Variants in MORC3 observed in about 807,000 individuals in gnomAD.
MORC3 encodes the protein MORC family CW-type zinc finger 3.
Under a neutral mutation model 109.1 loss-of-function variants are expected in MORC3, and 31 were observed. The ratio of observed to expected loss-of-function variants is 0.28; its 90% CI spans 0.21 to 0.38. The LOEUF is 0.38. Among genes scored for constraint, MORC3 ranks in the 10% least tolerant of loss-of-function variants. The pLI, the probability that MORC3 is intolerant of heterozygous loss-of-function variation, is 1.00. For synonymous variants in MORC3, 395 were observed against 380.7 expected (o/e 1.04, Z -0.44); for missense variants, 867 against 1,135.8 (o/e 0.76, Z 3.40).
At chr21:36,363,139 T>C (rs61408408) in intron 13 of MORC3, among the ~76,000 whole-genome samples, 2,259 of 152,258 alleles carry the variant, frequency 0.015, 56 homozygotes, top group African/African-American at 0.052. Context: ...TGAAAATGTT[T>C]TTAGCCGTGG....
rs2146314419 is a variant in MORC3 at position 36,349,210 on chromosome 21, G to GAT, written c.1006-99_1006-98dup. On this transcript the variant is annotated intron_variant, in intron 8 of 16. Transcript: ENST00000400485. The stretch of plus-strand genomic sequence containing the variant: ...AATAAATGTGATGAGAATCATACAA[G>GAT]ATAAAATATAGAAAAATATACAAAC... The GAT allele has an allele frequency of 5.2e-6, 4 of 768,594 alleles. No homozygotes were observed. In the South Asian group the frequency reaches 6.8e-5, roughly 13 times the overall value. 47.6% of individuals were successfully genotyped at this position (768,594 alleles called of 1,614,324 possible).
At chr21:36,363,046 C>G (rs73383713) in intron 13 of MORC3, among the ~76,000 whole-genome samples, 1 of 152,052 alleles carries the variant, frequency 6.6e-6, no homozygotes, top group Admixed American at 6.5e-5. Context: ...TGTCTTAATA[C>G]TTACTGTGTT....
At chr21:36,370,092 CGTG>C (rs2085837913) in intron 15 of MORC3, among the ~76,000 whole-genome samples, 1 of 152,072 alleles carries the variant, frequency 6.6e-6, no homozygotes, top group Non-Finnish European at 1.5e-5. Context: ...ATTAGCCTAG[CGTG>C]GTGGTGGGAG....
At chr21:36,335,759 A>G (rs1438779653) in intron 2 of MORC3, among the ~76,000 whole-genome samples, 5 of 152,234 alleles carry the variant, frequency 3.3e-5, no homozygotes, top group Non-Finnish European at 7.3e-5. Flanking sequence ...TTAAACTGAA[A>G]AGGATCACAA....
intron 1 of MORC3, among the ~76,000 whole-genome samples, chr21:36,321,046 G>T (rs1044945366): frequency 3.3e-5 from 5 of 152,200 alleles, no homozygotes; most frequent in African/African-American, 1.2e-4. Context: ...CCTTGTGAGC[G>T]CAGTTGATGT....
chr21:36,337,531 C>T (rs182025662), intron 3 of MORC3, among the ~76,000 whole-genome samples: 17 of 151,446 alleles, frequency 1.1e-4, no homozygotes, highest in East Asian at 1.9e-4. Flanking sequence ...GTAATCTGCC[C>T]GATACATAAA....
chr21:36,332,234 A>G (rs2085324755), intron 1 of MORC3, among the ~76,000 whole-genome samples: 1 of 152,160 alleles, frequency 6.6e-6, no homozygotes, highest in Admixed American at 6.5e-5. Context: ...CAGGAGTTTG[A>G]GACCAGCCTG....
chr21:36,345,409 C>G (rs1304538606), intron 8 of MORC3, among the ~76,000 whole-genome samples: 1 of 151,680 alleles, frequency 6.6e-6, no homozygotes, highest in Non-Finnish European at 1.5e-5. Flanking sequence ...TGCCACCACG[C>G]CTGGTTTTTT....
At chr21:36,373,747 A>G (rs993079660) in intron 16 of MORC3, among the ~76,000 whole-genome samples, 12 of 152,256 alleles carry the variant, frequency 7.9e-5, no homozygotes, top group African/African-American at 2.9e-4. Flanking sequence ...AGACTAAGGA[A>G]GAACATCTTG....
intron 8 of MORC3, among the ~76,000 whole-genome samples, chr21:36,347,448 T>A (rs545617191): frequency 6.6e-6 from 1 of 152,336 alleles, no homozygotes; most frequent in East Asian, 1.9e-4. Flanking sequence ...TATTTCCTAG[T>A]TAAGCTCGAC....
At chr21:36,371,769 A>T (rs1235720448) in intron 15 of MORC3, among the ~76,000 whole-genome samples, 1 of 152,056 alleles carries the variant, frequency 6.6e-6, no homozygotes, top group Non-Finnish European at 1.5e-5. Context: ...TGACATTAAC[A>T]TAATTTAGGC....
At chr21:36,340,428 C>G (rs2085429658) in intron 5 of MORC3, among the ~76,000 whole-genome samples, 1 of 152,062 alleles carries the variant, frequency 6.6e-6, no homozygotes, top group Non-Finnish European at 1.5e-5. Context: ...CATAACCCCA[C>G]TCCCTCCTTA....
rs745546248 is a variant in MORC3, at chr21:36,320,220, T to A, written c.-45T>A. On this transcript the variant is annotated 5_prime_UTR_variant, in exon 1 of 17. Transcript: ENST00000400485. ...CCACAGTCGTTCCGCCACCTCCCAGTCGGGTTGCGGCGGAGGCCGTTCCTG... is the reference window on the plus strand; with the variant it reads ...CCACAGTCGTTCCGCCACCTCCCAGACGGGTTGCGGCGGAGGCCGTTCCTG... The A allele has an allele frequency of 6.4e-7, 1 of 1,560,388 alleles. No individual in the cohort carries two copies. Among genetic ancestry groups the A allele is most frequent in the South Asian group, 1.2e-5 (1 of 85,530 alleles).
chr21:36,338,671 TATTTATAA>T (rs2146300720), intron 4 of MORC3, 95 bp from the exon 5 acceptor site: 2 of 1,165,590 alleles, frequency 1.7e-6, no homozygotes, highest in South Asian at 3.6e-5. Context: ...CTTAGAAAAT[TATTTATAA>T]ATAGTTTTTC....
chr21:36,361,098 G>A (rs2085709717), intron 12 of MORC3, among the ~76,000 whole-genome samples: 2 of 151,728 alleles, frequency 1.3e-5, no homozygotes, highest in African/African-American at 2.4e-5. Flanking sequence ...GATAGTGGAA[G>A]TGGGACAGAT....
intron 5 of MORC3, chr21:36,339,517 AAAAG>A (rs1435238344): frequency 2.0e-5 from 3 of 147,550 alleles, no homozygotes; most frequent in Non-Finnish European, 4.5e-5. Context: ...AAAAAAAAAA[AAAAG>A]AAAAAAGAAA....
chr21:36,370,553 A>G (rs768813390), intron 15 of MORC3, among the ~76,000 whole-genome samples: 2 of 147,182 alleles, frequency 1.4e-5, no homozygotes, highest in Non-Finnish European at 3.0e-5. Flanking sequence ...ATGTCTTTCA[A>G]GATTCCTGAG....
intron 2 of MORC3, among the ~76,000 whole-genome samples, chr21:36,336,236 G>GT (rs548180928): frequency 1.4e-5 from 2 of 143,480 alleles, no homozygotes; most frequent in East Asian, 4.2e-4. Flanking sequence ...CAGCTTTTTT[G>GT]TTTTTGTTTT....
In MORC3 at chr21:36,360,291, A is replaced by G. The variant is rs562316975; in HGVS notation, c.1406+33A>G. ...TTGTATTGATGTATAGTGGGTAATA[A>G]TGCCCAGATCATGAACAGTGATGCC... On this transcript the variant is annotated intron_variant, in intron 12 of 16. Coordinates refer to ENST00000400485, the MANE Select transcript of MORC3 (RefSeq NM_015358.3). 3.8e-6 allele frequency: 6 copies of G among 1,572,020 alleles called. No individual in the cohort carries two copies. The South Asian group carries it at 6.7e-5, about 18-fold the overall frequency.
Sources: gnomAD v4.1 joint callset for allele counts (sites outside exome capture counted in the v4.1 genomes callset) on GRCh38, gnomAD v4.1.1 for gene constraint, MANE v1.5 for transcripts, NCBI Gene and HGNC (gene_info 2026-07-23, HGNC 2026-07-21) for gene names.